Variants in CFAP210 observed in about 807,000 individuals in gnomAD.
The protein encoded by CFAP210 is cilia and flagella associated protein 210, also known as cilia- and flagella- associated protein 210.
the CFAP210 span, among the ~76,000 whole-genome samples, chr2:169,656,498 GGGAGGAGGAGGA>G: frequency 6.7e-6 from 1 of 149,874 alleles, no homozygotes; most frequent in Non-Finnish European, 1.5e-5. Context: ...AAGGAGGTGC[GGGAGGAGGAGGA>G]GGAGGAGGAG....
chr2:169,694,186 C>G, the CFAP210 span: 1 of 1,428,912 alleles, frequency 7.0e-7, no homozygotes, highest in Non-Finnish European at 9.9e-7. Context: ...AGCCCTCATT[C>G]GGCATCCTCG....
the CFAP210 span, among the ~76,000 whole-genome samples, chr2:169,668,145 T>G: frequency 6.6e-6 from 1 of 152,258 alleles, no homozygotes; most frequent in Non-Finnish European, 1.5e-5. Flanking sequence ...ACATTAGCAC[T>G]TGATGCTTCA....
chr2:169,650,965 A>C, the CFAP210 span, among the ~76,000 whole-genome samples: 1 of 151,724 alleles, frequency 6.6e-6, no homozygotes, highest in Non-Finnish European at 1.5e-5. Context: ...GTGGTGGCTC[A>C]TACCTGTAAT....
chr2:169,688,948 A>G, the CFAP210 span, among the ~76,000 whole-genome samples: 1 of 152,232 alleles, frequency 6.6e-6, no homozygotes, highest in Non-Finnish European at 1.5e-5. Context: ...CATACCTAAG[A>G]CTGGGAAAAA....
At chr2:169,671,642 A>AT in the CFAP210 span, among the ~76,000 whole-genome samples, 313 of 152,092 alleles carry the variant, frequency 2.1e-3, no homozygotes, top group Middle Eastern at 6.8e-3. Context: ...CTAATTTTGT[A>AT]TTTTTTTAGT....
chr2:169,664,390 C>A, the CFAP210 span, among the ~76,000 whole-genome samples: 39 of 152,238 alleles, frequency 2.6e-4, no homozygotes, highest in African/African-American at 8.9e-4. Context: ...GATAATGCAT[C>A]ATTTCAGCAA....
At chr2:169,694,122 A>G in the CFAP210 span, 1 of 797,212 alleles carries the variant, frequency 1.3e-6, no homozygotes, top group Non-Finnish European at 2.2e-6. Context: ...GAGCCCAAAG[A>G]TGCTTATTGA....
the CFAP210 span, among the ~76,000 whole-genome samples, chr2:169,649,539 A>G: frequency 1.3e-5 from 2 of 152,182 alleles, no homozygotes; most frequent in African/African-American, 4.8e-5. Flanking sequence ...CCTGAATATC[A>G]GAAAATACCC....
the CFAP210 span, among the ~76,000 whole-genome samples, chr2:169,678,463 T>C: frequency 1.1e-4 from 17 of 152,190 alleles, no homozygotes; most frequent in South Asian, 2.9e-3. Flanking sequence ...CAAATTGATC[T>C]AGAGATTCAA....
chr2:169,668,819 C>T, the CFAP210 span, among the ~76,000 whole-genome samples: 3 of 152,096 alleles, frequency 2.0e-5, no homozygotes, highest in African/African-American at 2.4e-5. Context: ...TCACAGATCA[C>T]CATAATAGAT....
the CFAP210 span, chr2:169,658,067 C>A: frequency 6.6e-6 from 1 of 151,918 alleles, no homozygotes; most frequent in Non-Finnish European, 1.5e-5. Flanking sequence ...TATAGCAAGA[C>A]GAGGGAGTAA....
At chr2:169,665,765 A>G in the CFAP210 span, among the ~76,000 whole-genome samples, 4 of 152,162 alleles carry the variant, frequency 2.6e-5, no homozygotes, top group African/African-American at 4.8e-5. Flanking sequence ...AGCTTGTGGT[A>G]GTTGAGTACA....
the CFAP210 span, among the ~76,000 whole-genome samples, chr2:169,666,360 CAAAT>C: frequency 1.3e-5 from 2 of 148,606 alleles, no homozygotes; most frequent in Non-Finnish European, 3.0e-5. Context: ...AACAAACAAA[CAAAT>C]AAAGTACAGG....
At chr2:169,694,393 T>A in the CFAP210 span, 1 of 1,500,268 alleles carries the variant, frequency 6.7e-7, no homozygotes, top group African/African-American at 1.4e-5. Context: ...GGTGGAGTTG[T>A]TACTCGTACC....
At chr2:169,666,435 T>C in the CFAP210 span, among the ~76,000 whole-genome samples, 3 of 151,282 alleles carry the variant, frequency 2.0e-5, no homozygotes, top group East Asian at 6.0e-4. Flanking sequence ...AATATCTCAA[T>C]AAAGTAAGTC....
the CFAP210 span, chr2:169,645,723 A>G: frequency 5.7e-6 from 4 of 698,882 alleles, no homozygotes; most frequent in Admixed American, 3.0e-5. Flanking sequence ...AGAACAATCA[A>G]TTAAATCAGA....
At chr2:169,648,820 A>G in the CFAP210 span, among the ~76,000 whole-genome samples, 1 of 148,768 alleles carries the variant, frequency 6.7e-6, no homozygotes, top group East Asian at 1.9e-4. Context: ...TTAAAATCTG[A>G]TATCTCCATT....
At chr2:169,669,487 G>T in the CFAP210 span, among the ~76,000 whole-genome samples, 1 of 152,116 alleles carries the variant, frequency 6.6e-6, no homozygotes, top group Non-Finnish European at 1.5e-5. Flanking sequence ...AATAAATAAT[G>T]TGAGGCCAAT....
At chr2:169,675,640 C>A in the CFAP210 span, among the ~76,000 whole-genome samples, 1 of 152,190 alleles carries the variant, frequency 6.6e-6, no homozygotes, top group African/African-American at 2.4e-5. Context: ...GCAGGCCCCA[C>A]CTCCAACACT....
Sources: allele counts gnomAD v4.1 joint callset (sites outside exome capture counted in the v4.1 genomes callset), GRCh38; gene constraint gnomAD v4.1.1; transcripts MANE v1.5; gene names NCBI Gene and HGNC (gene_info 2026-07-23, HGNC 2026-07-21).